The following SSUH2 variants were observed in gnomAD, a reference collection of about 807,000 sequenced individuals.
SSUH2 encodes protein SSUH2 homolog.
A neutral mutation model predicts 55.3 loss-of-function variants in SSUH2; 47 were observed. That is an observed-to-expected ratio of 0.85 (90% CI 0.67 to 1.08). SSUH2 has a LOEUF of 1.08. Ranked by LOEUF, SSUH2 falls within the 50% of genes least tolerant of loss-of-function variation. SSUH2 has a pLI of 0.00. For missense variants in SSUH2, 535 were observed against 490.7 expected (o/e 1.09, Z -0.85); for synonymous variants, 212 against 191.5 (o/e 1.11, Z -0.89).
chr3:8,623,529 GC>G lies in SSUH2; in HGVS notation c.981+19del. On this transcript the variant is annotated intron_variant, in intron 11 of 11. Coordinates refer to ENST00000544814, the MANE Select transcript of SSUH2 (RefSeq NM_001256748.3). ...CAGGAAGAGACGTCAGAGCCAGATG[GC>G]CCCTCCGCCCTGGCTCACCTGCTGC... 1 of 1,449,748 alleles carries G rather than the reference GC, an allele frequency of 6.9e-7. No individual in the cohort carries two copies. Among genetic ancestry groups the G allele is most frequent in the Non-Finnish European group, 9.5e-7 (1 of 1,054,586 alleles). 89.8% of individuals were successfully genotyped at this position (1,449,748 alleles called of 1,614,324 possible).
At chr3:8,647,963 G>A (rs370736358), upstream of SSUH2, among the ~76,000 whole-genome samples, 17 of 152,258 alleles carry the variant, frequency 1.1e-4, no homozygotes, top group African/African-American at 2.4e-4. Context: ...GGAGGTTCTC[G>A]AAACACCATG....
chr3:8,663,838 T>C lies in SSUH2; in HGVS notation c.-454-36A>G, dbSNP rs570596068. On this transcript the variant is annotated intron_variant, in intron 5 of 18. Coordinates refer to the SSUH2 transcript ENST00000317371. ...CACACAGATAAATTTACGGAAAAAT[T>C]CTTAGTAATGATGCGTGTCCCAAGA... 216 of 456,694 alleles carry C rather than the reference T, an allele frequency of 4.7e-4. 1 individual carries two copies. The highest frequency in any genetic ancestry group is 3.7e-3 in the African/African-American group (188 of 50,192). The allele number at this position is 456,694 out of a possible 1,614,324, so 28.3% of individuals were successfully genotyped here.
chr3:8,651,793 G>A (rs1388649896), intron 7 of SSUH2, among the ~76,000 whole-genome samples: 1 of 152,042 alleles, frequency 6.6e-6, no homozygotes, highest in Non-Finnish European at 1.5e-5. Flanking sequence ...GTGTTCCCAT[G>A]GCTCCACCCT....
chr3:8,625,002 G>T (rs921728854), intron 10 of SSUH2, among the ~76,000 whole-genome samples: 1 of 152,054 alleles, frequency 6.6e-6, no homozygotes, highest in Non-Finnish European at 1.5e-5. Context: ...CAGCTGGAAC[G>T]ACACTGCCAC....
chr3:8,680,194 G>A (rs183772836), intron 1 of SSUH2, among the ~76,000 whole-genome samples: 7 of 152,172 alleles, frequency 4.6e-5, no homozygotes, highest in African/African-American at 1.7e-4. Context: ...TCTAAAGGAT[G>A]GCCCCCCGTT....
chr3:8,620,113 G>C (rs753855301), intron 11 of SSUH2, 99 bp from the exon 12 acceptor site: 15 of 1,361,042 alleles, frequency 1.1e-5, no homozygotes, highest in Non-Finnish European at 1.5e-5. Context: ...TGGTATGAAA[G>C]GTCCTGCTCT....
chr3:8,631,551 A>T (rs1023879160), intron 5 of SSUH2, among the ~76,000 whole-genome samples: 1 of 152,158 alleles, frequency 6.6e-6, no homozygotes, highest in African/African-American at 2.4e-5. Context: ...AAGAAGTGAC[A>T]CGTGAGCTGA....
intron 1 of SSUH2, among the ~76,000 whole-genome samples, chr3:8,640,402 T>A (rs1700632413): frequency 6.6e-6 from 1 of 152,146 alleles, no homozygotes; most frequent in South Asian, 2.1e-4. Context: ...CCCCCTCACC[T>A]AACCCCTGCA....
chr3:8,628,852 G>A (rs1393848608), intron 7 of SSUH2, among the ~76,000 whole-genome samples: 2 of 152,084 alleles, frequency 1.3e-5, no homozygotes, highest in Non-Finnish European at 2.9e-5. Context: ...GTTTGTTGCT[G>A]TTGTTTGTTT....
At chr3:8,680,768 T>G (rs1705883099) in intron 1 of SSUH2, among the ~76,000 whole-genome samples, 2 of 152,062 alleles carry the variant, frequency 1.3e-5, no homozygotes, top group Admixed American at 1.3e-4. Context: ...CTGCGATATT[T>G]GGAGTAATAT....
At chr3:8,660,913 C>T (rs1420650160) in intron 6 of SSUH2, among the ~76,000 whole-genome samples, 1 of 152,240 alleles carries the variant, frequency 6.6e-6, no homozygotes, top group East Asian at 1.9e-4. Flanking sequence ...CTGCAACACA[C>T]TCATCTCTCA....
intron 1 of SSUH2, among the ~76,000 whole-genome samples, chr3:8,644,456 A>G (rs1245932555): frequency 1.3e-5 from 2 of 152,186 alleles, no homozygotes; most frequent in African/African-American, 4.8e-5. Flanking sequence ...CATTGTCCAA[A>G]GGCTCATAAC....
intron 6 of SSUH2, chr3:8,659,927 G>C: frequency 2.5e-6 from 1 of 392,488 alleles, no homozygotes; most frequent in Non-Finnish European, 5.1e-6. Flanking sequence ...GGATCTTAAA[G>C]GGAGAATGGA....
rs113842620 is a variant in SSUH2, at chr3:8,629,617, G to A, written c.588+47C>T. On this transcript the variant is annotated intron_variant, in intron 7 of 11. Coordinates refer to ENST00000544814, the MANE Select transcript of SSUH2 (RefSeq NM_001256748.3). Reference sequence around the variant, plus strand: ...CAGCCCGCTGTCCCCAGGATCCCCCGGCCACCACACCCTCACTGACTCACC... The same window carrying A: ...CAGCCCGCTGTCCCCAGGATCCCCCAGCCACCACACCCTCACTGACTCACC... The A allele has an allele frequency of 7.8e-5, 51 of 655,160 alleles. 1 individual carries two copies. Among genetic ancestry groups the A allele is most frequent in the Admixed American group, 5.9e-4 (22 of 37,236 alleles). 40.6% of individuals were successfully genotyped at this position (655,160 alleles called of 1,614,324 possible). A position where few individuals can be genotyped will look rare whatever the true frequency, so the allele number is the denominator to read the frequency against.
At chr3:8,633,995 C>G in intron 3 of SSUH2, 200 bp from the exon 4 acceptor site, 1 of 1,583,086 alleles carries the variant, frequency 6.3e-7, no homozygotes, top group African/African-American at 1.4e-5. Context: ...GGCAGGTTTT[C>G]CTAGAGAACA....
At position 8,635,849 on chromosome 3, in the gene SSUH2, C is replaced by T. The variant is rs1258444970; in HGVS notation, c.37G>A (p.Asp13Asn). ...RDLNEDDSVV[D>N]LSFEAESPLA... is the part of the protein sequence containing the mutation. ...GGACTCTCGGCCTCAAAACTGAGGTCCACCACACCTGCAGAAAGACAAGCA... is the reference window on the plus strand; with the variant it reads ...GGACTCTCGGCCTCAAAACTGAGGTTCACCACACCTGCAGAAAGACAAGCA... Residue 13 changes from aspartate to asparagine, a missense_variant, in exon 2 of 12, where the codon GAC (aspartate) becomes AAC (asparagine). Asp to Asn is a conservative substitution (Grantham distance 23, BLOSUM62 1). Coordinates refer to ENST00000544814, the MANE Select transcript of SSUH2 (RefSeq NM_001256748.3). 6.5e-7 allele frequency: 1 copy of T among 1,535,980 alleles called. No individual in the cohort carries two copies. Among genetic ancestry groups the T allele is most frequent in the South Asian group, 1.2e-5 (1 of 84,002 alleles).
intron 7 of SSUH2, chr3:8,629,405 AGT>A (rs1214404720): frequency 1.9e-6 from 1 of 520,008 alleles, no homozygotes; most frequent in African/African-American, 1.9e-5. Flanking sequence ...GCAGGTATTC[AGT>A]GTATGTTGGT....
chr3:8,672,400 C>T (rs1236030832), intron 3 of SSUH2, among the ~76,000 whole-genome samples: 1 of 152,018 alleles, frequency 6.6e-6, no homozygotes, highest in Admixed American at 6.5e-5. Flanking sequence ...TAATATCATC[C>T]TCTTTTCTTC....
At chr3:8,663,547 G>A (rs1421940723) in intron 6 of SSUH2, among the ~76,000 whole-genome samples, 3 of 152,162 alleles carry the variant, frequency 2.0e-5, no homozygotes, top group African/African-American at 4.8e-5. Context: ...GGGGTCAGGT[G>A]GGGGCCACAG....
Sources: allele counts gnomAD v4.1 joint callset (sites outside exome capture counted in the v4.1 genomes callset), GRCh38; gene constraint gnomAD v4.1.1; transcripts MANE v1.5; gene names NCBI Gene and HGNC (gene_info 2026-07-23, HGNC 2026-07-21).